Variants in TENM1 observed in about 807,000 individuals in gnomAD.
TENM1 encodes the protein teneurin transmembrane protein 1.
A neutral mutation model predicts 174.8 loss-of-function variants in TENM1; 35 were observed. The ratio of observed to expected loss-of-function variants is 0.20; its 90% CI spans 0.15 to 0.27. TENM1 has a LOEUF of 0.27. Ranked by LOEUF, TENM1 falls within the 10% of genes least tolerant of loss-of-function variation. The probability of loss-of-function intolerance (pLI) is 1.00; values close to 1 mark genes in which losing one functional copy is unlikely to be tolerated. For synonymous variants in TENM1, 781 were observed against 798.7 expected (o/e 0.98, Z 0.37); for missense variants, 1,633 against 2,130.1 (o/e 0.77, Z 4.59).
chrX:124,900,502 T>C (rs2057642066), intron 1 of TENM1, among the ~76,000 whole-genome samples: 1 of 111,723 alleles, frequency 9.0e-6, no homozygotes, highest in Admixed American at 9.5e-5. Flanking sequence ...AAGTTTATCA[T>C]ATTGCACACC....
chrX:124,890,111 T>A (rs1202018959), intron 3 of TENM1, among the ~76,000 whole-genome samples: 2 of 112,580 alleles, frequency 1.8e-5, no homozygotes. Context: ...TTGCAATTTA[T>A]ATTTTATTAA....
intron 25 of TENM1, among the ~76,000 whole-genome samples, chrX:124,412,368 C>T (rs187572028): frequency 1.0e-3 from 118 of 112,778 alleles, no homozygotes; most frequent in African/African-American, 3.6e-3. Flanking sequence ...ATGATATTTA[C>T]ACATGATTAA....
At chrX:124,784,735 G>T (rs1300434019) in intron 3 of TENM1, among the ~76,000 whole-genome samples, 1 of 111,372 alleles carries the variant, frequency 9.0e-6, no homozygotes, top group African/African-American at 3.3e-5. Flanking sequence ...CAGAAGTATG[G>T]CCCTTTCTGG....
intron 23 of TENM1, among the ~76,000 whole-genome samples, chrX:124,439,938 T>G (rs1219814287): frequency 9.0e-6 from 1 of 111,626 alleles, no homozygotes; most frequent in Non-Finnish European, 1.9e-5. Context: ...TACAGAATTT[T>G]TTCCCAGGGG....
At chrX:124,733,455 T>C (rs1368072614) in intron 4 of TENM1, among the ~76,000 whole-genome samples, 1 of 112,271 alleles carries the variant, frequency 8.9e-6, no homozygotes, top group Non-Finnish European at 1.9e-5. Flanking sequence ...AGGCACTTTC[T>C]ACTACGTTAG....
chrX:124,740,191 T>C (rs1047226792), intron 3 of TENM1, among the ~76,000 whole-genome samples: 2 of 111,492 alleles, frequency 1.8e-5, no homozygotes, highest in South Asian at 3.8e-4. Flanking sequence ...AGGAGTCAAT[T>C]TGAGGTCTTG....
At chrX:124,405,297 G>C in intron 26 of TENM1, 31 bp from the exon 30 acceptor site, 2 of 1,098,152 alleles carry the variant, frequency 1.8e-6, no homozygotes, top group Non-Finnish European at 2.5e-6. Context: ...GAGGAAGAGG[G>C]GGAAGGAAGG....
intron 14 of TENM1, among the ~76,000 whole-genome samples, chrX:124,552,078 T>C (rs28643535): frequency 8.9e-6 from 1 of 112,094 alleles, no homozygotes; most frequent in Non-Finnish European, 1.9e-5. Context: ...TTTTCATTCA[T>C]TGGATTTGAT....
Position 124,737,208 on chromosome X carries a change from G to T in TENM1, c.536-11C>A. 8.5e-7 allele frequency: 1 copy of T among 1,183,141 alleles called. No individual in the cohort carries two copies. The highest frequency in any genetic ancestry group is 2.4e-5 in the Admixed American group (1 of 42,133). On this transcript the variant is annotated splice_polypyrimidine_tract_variant and intron_variant, in intron 3 of 31. Transcript: ENST00000422452. ...GGCTGCTCTGCACATCTAAAGAGGA[G>T]AGAAGAGAAACATAAAATAGAGACT...
At chrX:124,836,415 C>T (rs918891890) in intron 3 of TENM1, among the ~76,000 whole-genome samples, 3 of 111,668 alleles carry the variant, frequency 2.7e-5, no homozygotes, top group Admixed American at 9.5e-5. Context: ...TACTCTTTAC[C>T]AGTCTGACCA....
chrX:124,641,119 A>AT (rs1332900117), intron 11 of TENM1, among the ~76,000 whole-genome samples: 1 of 111,552 alleles, frequency 9.0e-6, no homozygotes, highest in Non-Finnish European at 1.9e-5. Flanking sequence ...GGAGAAAAGC[A>AT]TAAAAATATG....
At chrX:124,734,485 A>C (rs1011467358) in intron 4 of TENM1, among the ~76,000 whole-genome samples, 9 of 110,779 alleles carry the variant, frequency 8.1e-5, no homozygotes, top group South Asian at 3.8e-4. Flanking sequence ...TAAATAAATA[A>C]ATACAGAAAC....
chrX:124,734,708 G>A lies in TENM1; in HGVS notation c.776+2249C>T, dbSNP rs142382767. Reference sequence around the variant, plus strand: ...CCATGGTTGGTATTTAATTTAATATGCTGCTAAACAACAAAAACAATAACA... The same window carrying A: ...CCATGGTTGGTATTTAATTTAATATACTGCTAAACAACAAAAACAATAACA... On this transcript the variant is annotated intron_variant, in intron 4 of 31. Transcript: ENST00000422452. Among the ~76,000 whole-genome samples, 594 of 111,469 alleles carry A rather than the reference G, an allele frequency of 5.3e-3. 8 individuals carry two copies. The highest frequency in any genetic ancestry group is 0.018 in the African/African-American group (555 of 30,689).
the TENM1 span, among the ~76,000 whole-genome samples, chrX:125,200,570 T>G: frequency 9.1e-6 from 1 of 109,832 alleles, no homozygotes; most frequent in Admixed American, 9.9e-5. Flanking sequence ...ATATATAATT[T>G]TAATAAAGCT....
At chrX:125,032,965 G>T in the TENM1 span, among the ~76,000 whole-genome samples, 1 of 112,025 alleles carries the variant, frequency 8.9e-6, no homozygotes, top group African/African-American at 3.2e-5. Context: ...CATCCATGAT[G>T]CTGTAAAACA....
the TENM1 span, among the ~76,000 whole-genome samples, chrX:125,091,224 A>G: frequency 4.6e-5 from 5 of 109,669 alleles, 1 homozygote; most frequent in East Asian, 1.4e-3. Flanking sequence ...GGAAAAGAGA[A>G]AAAAAAAAGC....
the TENM1 span, among the ~76,000 whole-genome samples, chrX:125,054,627 A>T: frequency 1.8e-5 from 2 of 111,880 alleles, no homozygotes; most frequent in Non-Finnish European, 3.8e-5. Context: ...GCTTAAAACC[A>T]TCAACATAAA....
chrX:124,788,809 T>C (rs2055106409), intron 3 of TENM1, among the ~76,000 whole-genome samples: 1 of 112,252 alleles, frequency 8.9e-6, no homozygotes, highest in Non-Finnish European at 1.9e-5. Context: ...GTGTTGCATG[T>C]CTGTGGCTTT....
upstream of TENM1, among the ~76,000 whole-genome samples, chrX:124,966,223 G>A (rs1237434337): frequency 5.4e-5 from 6 of 111,182 alleles, no homozygotes; most frequent in African/African-American, 1.6e-4. Flanking sequence ...CCTCCACACC[G>A]CAGCCAGAAT....
Sources: gnomAD v4.1 joint callset for allele counts (sites outside exome capture counted in the v4.1 genomes callset) on GRCh38, gnomAD v4.1.1 for gene constraint, MANE v1.5 for transcripts, NCBI Gene and HGNC (gene_info 2026-07-23, HGNC 2026-07-21) for gene names.